Variants in CDH17 observed in about 807,000 individuals in gnomAD.
CDH17 encodes cadherin 17, also known as cadherin-17.
A neutral mutation model predicts 86.3 loss-of-function variants in CDH17; 67 were observed. That is an observed-to-expected ratio of 0.78 (90% confidence interval 0.64 to 0.95). CDH17 has a LOEUF of 0.95. CDH17 is among the 40% of genes least tolerant of loss of function. The pLI is 0.00. For missense variants in CDH17, 993 were observed against 1,017.6 expected (o/e 0.98, Z 0.33); for synonymous variants, 367 against 366.4 (o/e 1.00, Z -0.02).
chr8:94,172,043 C>T (rs1813280522), intron 7 of CDH17, among the ~76,000 whole-genome samples: 1 of 142,642 alleles, frequency 7.0e-6, no homozygotes. Flanking sequence ...CCCCTCTCCC[C>T]CTCTCTCTTT....
Position 94,128,245 on chromosome 8 carries a change from T to A in CDH17, c.2494A>T (p.Ser832Cys). ...TCAAACATTCCTTTTCAAATTCAGC[T>A]TCTCAGAGGTTTGACTTCAGATGCT... The part of the protein sequence containing the change: ...AQASEVKPLR[S>C] Residue 832 changes from serine (S) to cysteine (C), a missense_variant, in exon 18 of 18, where the codon AGC (serine) becomes TGC (cysteine). Coordinates refer to ENST00000027335, the MANE Select transcript of CDH17 (RefSeq NM_004063.4). 6.2e-7 allele frequency: 1 copy of A among 1,603,802 alleles called. No homozygotes were observed.
At chr8:94,129,760 C>A (rs1247792259) in intron 17 of CDH17, among the ~76,000 whole-genome samples, 1 of 152,116 alleles carries the variant, frequency 6.6e-6, no homozygotes. Context: ...ATGTCACAAG[C>A]ATAAAATTCT....
chr8:94,203,739 G>A (rs1199638727), intron 1 of CDH17, among the ~76,000 whole-genome samples: 2 of 152,148 alleles, frequency 1.3e-5, no homozygotes, highest in Admixed American at 6.5e-5. Context: ...TATAAATCTG[G>A]GCTTCTGCCT....
intron 12 of CDH17, among the ~76,000 whole-genome samples, chr8:94,159,212 T>C (rs547357636): frequency 1.2e-4 from 18 of 150,996 alleles, no homozygotes; most frequent in Admixed American, 1.1e-3. Context: ...CAGGAGTAGA[T>C]TGAGGGAGGG....
chr8:94,127,567 T>C lies in CDH17; in HGVS notation c.*673A>G, dbSNP rs1812326350. On this transcript the variant is annotated 3_prime_UTR_variant, in exon 18 of 18. Transcript: ENST00000027335. ...TTCTTCTCTGACAAATGTTTGAAATTCAGTGAAATACCAAAGGAGTCAAGG... is the reference window on the plus strand; with the variant it reads ...TTCTTCTCTGACAAATGTTTGAAATCCAGTGAAATACCAAAGGAGTCAAGG... The C allele has an allele frequency of 6.6e-6, 1 of 152,222 alleles. No homozygotes were observed. The highest frequency in any genetic ancestry group is 2.4e-5 in the African/African-American group (1 of 41,456). 9.4% of individuals were successfully genotyped at this position (152,222 alleles called of 1,614,324 possible). A position where few individuals can be genotyped will look rare whatever the true frequency, so the allele number is the denominator to read the frequency against.
At chr8:94,185,019 C>T (rs997370743) in intron 3 of CDH17, among the ~76,000 whole-genome samples, 4 of 152,160 alleles carry the variant, frequency 2.6e-5, no homozygotes, top group African/African-American at 9.7e-5. Context: ...CTTACCAAGG[C>T]TGGGTTTGCT....
intron 9 of CDH17, among the ~76,000 whole-genome samples, chr8:94,167,071 A>G (rs1163214008): frequency 6.6e-6 from 1 of 152,220 alleles, no homozygotes; most frequent in Non-Finnish European, 1.5e-5. Context: ...CCTAGATTGC[A>G]TCTAAGCAAC....
At chr8:94,158,833 G>A (rs1375502059) in intron 12 of CDH17, among the ~76,000 whole-genome samples, 1 of 152,180 alleles carries the variant, frequency 6.6e-6, no homozygotes, top group African/African-American at 2.4e-5. Context: ...GCTTGCTTCA[G>A]CACTAGTGCT....
intron 9 of CDH17, among the ~76,000 whole-genome samples, chr8:94,166,310 C>A (rs1295557057): frequency 6.6e-6 from 1 of 152,212 alleles, no homozygotes; most frequent in African/African-American, 2.4e-5. Flanking sequence ...TCTTTTCCTT[C>A]CGGTGCCTTC....
At chr8:94,169,132 C>T (rs1813220776) in intron 9 of CDH17, among the ~76,000 whole-genome samples, 1 of 152,112 alleles carries the variant, frequency 6.6e-6, no homozygotes, top group African/African-American at 2.4e-5. Context: ...AGTGTCATGT[C>T]CGGGTCAAGA....
At chr8:94,168,234 A>G (rs1813203336) in intron 9 of CDH17, among the ~76,000 whole-genome samples, 1 of 141,728 alleles carries the variant, frequency 7.1e-6, no homozygotes, top group Admixed American at 7.2e-5. Flanking sequence ...GCTCACTGCA[A>G]TCTCTACAAG....
rs769518455 is a variant in CDH17, at chr8:94,151,959, G to A, written c.1705C>T (p.His569Tyr). The change falls in exon 13 of 18, where the codon CAC becomes TAC. Residue 569 changes from histidine to tyrosine, a missense_variant. Transcript: ENST00000027335. Reference protein sequence around the residue: ...DVNEAPQFSQHVFQAKVSEDV... With the variant: ...DVNEAPQFSQYVFQAKVSEDV... ...TCACTGACTTTCGCTTGGAATACGT[G>A]TTGGGAAAATTGAGGTGCTTCATTC... 1 of 1,614,200 alleles carries A rather than the reference G, an allele frequency of 6.2e-7. No homozygotes were observed. Among genetic ancestry groups the A allele is most frequent in the South Asian group, 1.1e-5 (1 of 91,086 alleles).
At chr8:94,162,254 G>A in intron 10 of CDH17, 92 bp from the exon 11 acceptor site, 1 of 833,766 alleles carries the variant, frequency 1.2e-6, no homozygotes, top group Non-Finnish European at 2.0e-6. Flanking sequence ...CAAGTGAAGT[G>A]ACAGCCATAG....
chr8:94,142,632 T>A (rs1436583371), intron 15 of CDH17, among the ~76,000 whole-genome samples: 1 of 152,240 alleles, frequency 6.6e-6, no homozygotes, highest in Non-Finnish European at 1.5e-5. Context: ...GTAAGTCTTC[T>A]CAAACACTGC....
chr8:94,157,793 G>A (rs970620618), intron 12 of CDH17, among the ~76,000 whole-genome samples: 1 of 152,170 alleles, frequency 6.6e-6, no homozygotes, highest in African/African-American at 2.4e-5. Context: ...GCACACACCT[G>A]TGGTCCCAGC....
intron 13 of CDH17, among the ~76,000 whole-genome samples, chr8:94,150,751 C>T (rs1812840547): frequency 6.6e-6 from 1 of 152,118 alleles, no homozygotes; most frequent in African/African-American, 2.4e-5. Flanking sequence ...TTATTCACGT[C>T]TTTGACCAAT....
At chr8:94,150,582 T>C (rs903598261) in intron 13 of CDH17, among the ~76,000 whole-genome samples, 1 of 152,190 alleles carries the variant, frequency 6.6e-6, no homozygotes, top group South Asian at 2.1e-4. Context: ...AAACACTTTC[T>C]TCATTTGTCT....
intron 3 of CDH17, among the ~76,000 whole-genome samples, chr8:94,186,465 T>C (rs1358323223): frequency 6.6e-6 from 1 of 152,168 alleles, no homozygotes; most frequent in African/African-American, 2.4e-5. Context: ...GCACCTTTCA[T>C]GTGTCCTTAC....
chr8:94,169,721 C>T (rs1423867098), intron 9 of CDH17, among the ~76,000 whole-genome samples: 1 of 152,122 alleles, frequency 6.6e-6, no homozygotes, highest in Non-Finnish European at 1.5e-5. Flanking sequence ...AAGCATTGTC[C>T]CAAACCCAGA....
Sources: gnomAD v4.1 joint callset for allele counts (sites outside exome capture counted in the v4.1 genomes callset) on GRCh38, gnomAD v4.1.1 for gene constraint, MANE v1.5 for transcripts, NCBI Gene and HGNC (gene_info 2026-07-23, HGNC 2026-07-21) for gene names.